DNAH14: variants seen among roughly 807,000 people sequenced by gnomAD.
DNAH14 encodes the protein dynein axonemal heavy chain 14, also known as axonemal beta dynein heavy chain 14.
Under a neutral mutation model 520.9 loss-of-function variants are expected in DNAH14, and 478 were observed. That is an observed-to-expected ratio of 0.92 (90% CI 0.85 to 0.99). The LOEUF (loss-of-function observed/expected upper bound fraction) is 0.99. Among genes scored for constraint, DNAH14 ranks in the 50% least tolerant of loss-of-function variants. DNAH14 has a pLI of 0.00. For missense variants in DNAH14, 4,831 were observed against 5,234.5 expected (o/e 0.92, Z 2.38); for synonymous variants, 1,581 against 1,757.2 (o/e 0.90, Z 2.51).
chr1:225,085,281 C>T (rs1357701499), intron 20 of DNAH14, among the ~76,000 whole-genome samples: 2 of 152,126 alleles, frequency 1.3e-5, no homozygotes, highest in African/African-American at 4.8e-5. Flanking sequence ...AAGGTGTATA[C>T]TCTTTATAAC....
At chr1:225,278,001 GTTGT>G (rs761216643) in intron 54 of DNAH14, among the ~76,000 whole-genome samples, 53 of 152,082 alleles carry the variant, frequency 3.5e-4, no homozygotes, top group African/African-American at 1.3e-3. Flanking sequence ...TTTATGACTA[GTTGT>G]TTATTTTATA....
chr1:225,181,813 T>C (rs2084044075), intron 36 of DNAH14, among the ~76,000 whole-genome samples: 1 of 152,172 alleles, frequency 6.6e-6, no homozygotes, highest in African/African-American at 2.4e-5. Context: ...GAAGATCAGA[T>C]GGTTGTAGGT....
intron 17 of DNAH14, among the ~76,000 whole-genome samples, chr1:225,058,151 A>T (rs1008415776): frequency 3.3e-5 from 5 of 152,160 alleles, no homozygotes; most frequent in African/African-American, 1.2e-4. Flanking sequence ...CTGTGAAACC[A>T]TCTGGTCCTG....
At chr1:225,125,090 A>C (rs943953021) in intron 27 of DNAH14, among the ~76,000 whole-genome samples, 3 of 152,172 alleles carry the variant, frequency 2.0e-5, no homozygotes, top group African/African-American at 7.2e-5. Context: ...TATTCAGTAA[A>C]CCATGCTGAA....
chr1:224,958,729 A>G (rs1467176291), intron 3 of DNAH14, among the ~76,000 whole-genome samples: 1 of 152,042 alleles, frequency 6.6e-6, no homozygotes, highest in Non-Finnish European at 1.5e-5. Flanking sequence ...ACATCTAGAA[A>G]ATGGGGGAGG....
intron 23 of DNAH14, among the ~76,000 whole-genome samples, chr1:225,113,687 A>T (rs1290206340): frequency 6.6e-6 from 1 of 152,166 alleles, no homozygotes; most frequent in African/African-American, 2.4e-5. Context: ...TGGCACTCAA[A>T]CCACAAGACA....
chr1:224,981,479 G>A (rs934272214), intron 8 of DNAH14, among the ~76,000 whole-genome samples: 1 of 151,968 alleles, frequency 6.6e-6, no homozygotes, highest in Admixed American at 6.6e-5. Flanking sequence ...TTATTGGTCT[G>A]TTCAGGGTAT....
chr1:225,235,975 CA>C (rs1382629903), intron 42 of DNAH14, among the ~76,000 whole-genome samples: 1 of 151,762 alleles, frequency 6.6e-6, no homozygotes, highest in African/African-American at 2.4e-5. Context: ...TAATTTTTTT[CA>C]AAAAATCAGC....
At chr1:225,244,833 C>A (rs2092182869) in intron 43 of DNAH14, among the ~76,000 whole-genome samples, 1 of 151,790 alleles carries the variant, frequency 6.6e-6, no homozygotes, top group Non-Finnish European at 1.5e-5. Flanking sequence ...AAGGGTTTTT[C>A]ATGTCTCTAT....
At chr1:225,390,386 A>G (rs1452787628) in intron 83 of DNAH14, among the ~76,000 whole-genome samples, 1 of 152,136 alleles carries the variant, frequency 6.6e-6, no homozygotes, top group Non-Finnish European at 1.5e-5. Context: ...TGGGGTGGAA[A>G]GAGAGTTGTA....
chr1:225,388,968 G>C (rs543871998), intron 82 of DNAH14, among the ~76,000 whole-genome samples: 1 of 152,116 alleles, frequency 6.6e-6, no homozygotes, highest in Non-Finnish European at 1.5e-5. Flanking sequence ...TCACCATATT[G>C]GCTGGTTTTG....
At chr1:224,960,085 T>G in intron 3 of DNAH14, 68 bp from the exon 4 acceptor site, 1 of 1,404,592 alleles carries the variant, frequency 7.1e-7, no homozygotes, top group South Asian at 1.5e-5. Context: ...TTGCTGGGTA[T>G]GTGGAATTAC....
At chr1:225,314,993 G>A (rs955305257) in intron 60 of DNAH14, among the ~76,000 whole-genome samples, 1 of 152,086 alleles carries the variant, frequency 6.6e-6, no homozygotes, top group African/African-American at 2.4e-5. Flanking sequence ...TGTCTTGCTA[G>A]GTTGGGTAAG....
intron 84 of DNAH14, chr1:225,396,017 A>G (rs1221352152): frequency 6.6e-6 from 1 of 152,182 alleles, no homozygotes; most frequent in African/African-American, 2.4e-5. Context: ...TACATGAAGA[A>G]CTAGACTCTA....
At chr1:224,967,891 A>G in intron 6 of DNAH14, 1 of 1,253,838 alleles carries the variant, frequency 8.0e-7, no homozygotes, top group Non-Finnish European at 1.0e-6. Context: ...AATGGGAACT[A>G]TAATAATAAA....
At chr1:224,942,898 T>C (rs980072119) in intron 1 of DNAH14, among the ~76,000 whole-genome samples, 12 of 152,172 alleles carry the variant, frequency 7.9e-5, no homozygotes, top group African/African-American at 1.4e-4. Flanking sequence ...CTGCTGGATT[T>C]GGTTTGCCAG....
At chr1:225,266,287 A>C (rs1173248499) in intron 48 of DNAH14, among the ~76,000 whole-genome samples, 1 of 152,212 alleles carries the variant, frequency 6.6e-6, no homozygotes, top group Non-Finnish European at 1.5e-5. Context: ...CTCAGTAAGT[A>C]AATCTTGAAT....
At chr1:225,025,015 C>T (rs768117459) in intron 11 of DNAH14, among the ~76,000 whole-genome samples, 2 of 151,964 alleles carry the variant, frequency 1.3e-5, no homozygotes, top group Non-Finnish European at 2.9e-5. Flanking sequence ...AACACAATGT[C>T]TCCTGTATGC....
At chr1:225,290,164 A>T in intron 55 of DNAH14, 82 bp downstream of exon 55, 1 of 991,142 alleles carries the variant, frequency 1.0e-6, no homozygotes, top group Non-Finnish European at 1.4e-6. Context: ...ATATTTGAAA[A>T]GAAAACAAGA....
Sources: allele counts gnomAD v4.1 joint callset (sites outside exome capture counted in the v4.1 genomes callset), GRCh38; gene constraint gnomAD v4.1.1; transcripts MANE v1.5; gene names NCBI Gene and HGNC (gene_info 2026-07-23, HGNC 2026-07-21).